The following TOX4 variants were observed in gnomAD, a reference collection of about 807,000 sequenced individuals.
TOX4 encodes the protein TOX high mobility group box family member 4.
Under a neutral mutation model 61.0 loss-of-function variants are expected in TOX4, and 12 were observed. That is an observed-to-expected ratio of 0.20 (90% CI 0.13 to 0.32). The LOEUF is 0.32. Among genes scored for constraint, TOX4 ranks in the 10% least tolerant of loss-of-function variants. The pLI is 1.00. For synonymous variants in TOX4, 268 were observed against 274.8 expected (o/e 0.98, Z 0.24); for missense variants, 499 against 753.3 (o/e 0.66, Z 3.95).
At chr14:21,489,578 A>T (rs1891249365) in intron 5 of TOX4, among the ~76,000 whole-genome samples, 175 bp downstream of exon 5, 2 of 151,810 alleles carry the variant, frequency 1.3e-5, no homozygotes, top group Admixed American at 1.3e-4. Context: ...CAGAAAACCT[A>T]TTTAAATTTT....
intron 2 of TOX4, among the ~76,000 whole-genome samples, chr14:21,479,372 G>C (rs7150948): frequency 0.5 from 75,889 of 150,772 alleles, 19,260 homozygotes; most frequent in East Asian, 0.64. Flanking sequence ...CAGGTGAGGC[G>C]GGGTGCGGTG....
chr14:21,497,514 GTTTTTTGTTTTTTTTTTTTTTT>G lies in TOX4; in HGVS notation c.*915_*936del, dbSNP rs1891430050. On this transcript the variant is annotated 3_prime_UTR_variant, in exon 9 of 9. Coordinates refer to ENST00000448790, the MANE Select transcript of TOX4 (RefSeq NM_014828.4). ...TCCTATGCATTCCTGTTTTCTGTGT[GTTTTTTGTTTTTTTTTTTTTTT>G]TTTTTTTTTGAGACAGAGTCTCGCT... 1.9e-5 allele frequency: 1 copy of G among 51,610 alleles called. No homozygotes were observed. Among genetic ancestry groups the G allele is most frequent in the African/African-American group, 7.4e-5 (1 of 13,576 alleles). The allele number at this position is 51,610 out of a possible 1,614,324, so 3.2% of individuals were successfully genotyped here. A position where few individuals can be genotyped will look rare whatever the true frequency, so the allele number is the denominator to read the frequency against.
intron 2 of TOX4, among the ~76,000 whole-genome samples, chr14:21,482,263 T>C (rs531768483): frequency 6.6e-6 from 1 of 152,262 alleles, no homozygotes; most frequent in African/African-American, 2.4e-5. Context: ...TAACTAACAT[T>C]AGAACCAGTT....
chr14:21,494,761 A>T (rs1891365026), intron 7 of TOX4, among the ~76,000 whole-genome samples: 1 of 148,956 alleles, frequency 6.7e-6, no homozygotes, highest in Admixed American at 6.7e-5. Context: ...AAAAAAAAAA[A>T]AAAAAAAATT....
intron 2 of TOX4, among the ~76,000 whole-genome samples, chr14:21,485,874 G>GAA (rs552068062): frequency 0.012 from 869 of 75,380 alleles, 209 homozygotes; most frequent in African/African-American, 0.042. Flanking sequence ...TCAAAAAAAA[G>GAA]AAAAAAAAAA....
At chr14:21,478,368 A>C (rs1891044634) in intron 2 of TOX4, among the ~76,000 whole-genome samples, 1 of 152,232 alleles carries the variant, frequency 6.6e-6, no homozygotes, top group Non-Finnish European at 1.5e-5. Context: ...CATGTGTTTC[A>C]ATTTGCCAGT....
rs537476771 is a variant in TOX4, at chr14:21,488,460, CTATTT to C, written c.319-126_319-122del. On this transcript the variant is annotated intron_variant, in intron 3 of 8. Transcript: ENST00000448790. ...ATTTTTTTATTTTCATTTTTGAAGA[CTATTT>C]TATGTTTTGTATTTTAAATGATACA... 1,540 of 857,186 alleles carry C rather than the reference CTATTT, an allele frequency of 1.8e-3. 30 individuals carry two copies. The South Asian group carries it at 0.033, about 18-fold the overall frequency. 53.1% of individuals were successfully genotyped at this position (857,186 alleles called of 1,614,324 possible). A position where few individuals can be genotyped will look rare whatever the true frequency, so the allele number is the denominator to read the frequency against.
At position 21,498,802 on chromosome 14, in the gene TOX4, A is replaced by G; in HGVS notation, c.*2196A>G. The G allele has an allele frequency of 1.9e-6, 1 of 534,266 alleles. No homozygotes were observed. Among genetic ancestry groups the G allele is most frequent in the Non-Finnish European group, 3.3e-6 (1 of 299,478 alleles). 33.1% of individuals were successfully genotyped at this position (534,266 alleles called of 1,614,324 possible). A position where few individuals can be genotyped will look rare whatever the true frequency, so the allele number is the denominator to read the frequency against. On this transcript the variant is annotated 3_prime_UTR_variant, in exon 9 of 9. Coordinates refer to ENST00000448790, the MANE Select transcript of TOX4 (RefSeq NM_014828.4). ...AAGATCCTTGGGTTGTGAAGAGAGT[A>G]GAAACCCTAGGGAGCAGTGCTTTTG...
chr14:21,487,819 C>A, intron 3 of TOX4, 126 bp downstream of exon 3: 5 of 1,106,504 alleles, frequency 4.5e-6, no homozygotes, highest in Non-Finnish European at 6.0e-6. Flanking sequence ...AAAGGCTCAC[C>A]AACAAAGACT....
At chr14:21,489,444 G>GTT in intron 5 of TOX4, 41 bp downstream of exon 5, 5 of 1,543,616 alleles carry the variant, frequency 3.2e-6, no homozygotes, top group Non-Finnish European at 4.4e-6. Context: ...TGTTCCAGAA[G>GTT]TTTTTAAAGA....
At position 21,488,840 on chromosome 14, in the gene TOX4, A is replaced by G. The variant is rs780782572; in HGVS notation, c.569A>G (p.Asp190Gly). 9 of 1,613,578 alleles carry G rather than the reference A, an allele frequency of 5.6e-6. No homozygotes were observed. In the South Asian group the frequency reaches 9.9e-5, roughly 18 times the overall value. The change falls in exon 4 of 9, where the codon GAT (aspartate) becomes GGT (glycine). Residue 190 changes from aspartate to glycine, a missense_variant. Around this residue, in one of 7 missense-constraint regions of TOX4, gnomAD observed 61 missense variants for 76.1 expected, o/e 0.80. Transcript: ENST00000448790. ...TSSLHEDGVE[D>G]FRRQLPSQKT... is the part of the protein sequence containing the mutation. ...TCACTTCACGAGGATGGTGTTGAGG[A>G]TTTCCGGAGGGTGAGGCATTCCCTG... is the stretch of plus-strand genomic sequence containing the variant.
rs148946217 is a variant in TOX4 at position 21,478,672 on chromosome 14, G to A, written c.75+1108G>A. 4.4e-3 allele frequency among the ~76,000 whole-genome samples: 671 copies of A among 152,350 alleles called. 22 individuals carry two copies. The highest frequency in any genetic ancestry group is 0.023 in the East Asian group (120 of 5,192). On this transcript the variant is annotated intron_variant, in intron 2 of 8. Transcript: ENST00000448790. ...AGGACTTTTATATTTATTTTCAAAA[G>A]TGGTGTGGACCATTTGCATCAGTTT...
intron 8 of TOX4, chr14:21,495,616 C>A (rs1362234048): frequency 4.6e-6 from 2 of 433,300 alleles, no homozygotes; most frequent in African/African-American, 4.1e-5. Context: ...TTACCACATA[C>A]CTCTCTTATG....
chr14:21,480,531 T>TA (rs1007804381), intron 2 of TOX4, among the ~76,000 whole-genome samples: 3 of 151,974 alleles, frequency 2.0e-5, no homozygotes, highest in African/African-American at 7.2e-5. Flanking sequence ...AAGGTAATAT[T>TA]AAAAAAAAGT....
At position 21,499,108 on chromosome 14, in the gene TOX4, T is replaced by A. The variant is rs1891489059; in HGVS notation, c.*2502T>A. 4 of 1,614,012 alleles carry A rather than the reference T, an allele frequency of 2.5e-6. No individual in the cohort carries two copies. The highest frequency in any genetic ancestry group is 3.4e-6 in the Non-Finnish European group (4 of 1,179,986). On this transcript the variant is annotated 3_prime_UTR_variant, in exon 9 of 9. Coordinates refer to ENST00000448790, the MANE Select transcript of TOX4 (RefSeq NM_014828.4). ...ATAGTCTTTCAATCATGCCATAGAT[T>A]TCATCTGGTTTATGACTGGTGGAAC... is the stretch of plus-strand genomic sequence containing the variant.
Position 21,493,197 on chromosome 14 carries a change from T to C in TOX4, c.1581T>C (p.His527=), listed in dbSNP as rs748118537. 1.9e-6 allele frequency: 3 copies of C among 1,614,022 alleles called. No homozygotes were observed. Among genetic ancestry groups the C allele is most frequent in the South Asian group, 1.1e-5 (1 of 91,084 alleles). ...ERPMNNSPEA[H]TVEAPSPETI... ...CTATGAACAACAGCCCTGAGGCCCATACAGTGGAGGCACCTTCTCCTGAGA... is the reference window on the plus strand; with the variant it reads ...CTATGAACAACAGCCCTGAGGCCCACACAGTGGAGGCACCTTCTCCTGAGA... The change falls in exon 7 of 9, where the codon CAT becomes CAC. Residue 527 remains histidine, a synonymous_variant. Transcript: ENST00000448790.
Position 21,497,977 on chromosome 14 carries a change from C to A in TOX4, c.*1371C>A. 3 of 347,328 alleles carry A rather than the reference C, an allele frequency of 8.6e-6. No individual in the cohort carries two copies. The highest frequency in any genetic ancestry group is 1.6e-5 in the Non-Finnish European group (3 of 187,550). 21.5% of individuals were successfully genotyped at this position (347,328 alleles called of 1,614,324 possible). On this transcript the variant is annotated 3_prime_UTR_variant, in exon 9 of 9. Coordinates refer to ENST00000448790, the MANE Select transcript of TOX4 (RefSeq NM_014828.4). Reference sequence around the variant, plus strand: ...GGATTACAGGTGTGAGCCACTGTGCCTAGCCTATAATGATCATTTTAATGT... The same window carrying A: ...GGATTACAGGTGTGAGCCACTGTGCATAGCCTATAATGATCATTTTAATGT...
rs1490485103 is a variant in TOX4, at chr14:21,498,982, A to G, written c.*2376A>G. On this transcript the variant is annotated 3_prime_UTR_variant, in exon 9 of 9. Coordinates refer to ENST00000448790, the MANE Select transcript of TOX4 (RefSeq NM_014828.4). Reference sequence around the variant, plus strand: ...TACTAAGTTCTGTCCTTAATCATAAATAATAGCCCCTTGAGGACTAGCCTG... The same window carrying G: ...TACTAAGTTCTGTCCTTAATCATAAGTAATAGCCCCTTGAGGACTAGCCTG... The G allele has an allele frequency of 7.4e-7, 1 of 1,354,378 alleles. No individual in the cohort carries two copies. Among genetic ancestry groups the G allele is most frequent in the Non-Finnish European group, 1.1e-6 (1 of 943,618 alleles). The allele number at this position is 1,354,378 out of a possible 1,614,324, so 83.9% of individuals were successfully genotyped here.
At chr14:21,482,094 CAG>C (rs1300609536) in intron 2 of TOX4, among the ~76,000 whole-genome samples, 3 of 152,080 alleles carry the variant, frequency 2.0e-5, no homozygotes, top group Admixed American at 1.3e-4. Context: ...AGTAGCAGTC[CAG>C]AGAGAGCATT....
Sources: allele counts gnomAD v4.1 joint callset (sites outside exome capture counted in the v4.1 genomes callset), GRCh38; gene constraint gnomAD v4.1.1; regional missense constraint gnomAD v4.1.1; transcripts MANE v1.5; gene names NCBI Gene and HGNC (gene_info 2026-07-23, HGNC 2026-07-21).